Variants in PRKCH observed in about 807,000 individuals in gnomAD.
PRKCH encodes the protein protein kinase C eta type.
In PRKCH, 28 loss-of-function variants were observed where a neutral mutation model predicts 82.5. That is an observed-to-expected ratio of 0.34 (90% CI 0.25 to 0.47). The LOEUF (loss-of-function observed/expected upper bound fraction) is 0.47, where lower values mean the gene tolerates loss of function less well. PRKCH is among the 20% of genes least tolerant of loss of function. The probability of loss-of-function intolerance (pLI) is 1.00; values close to 1 mark genes in which losing one functional copy is unlikely to be tolerated. For synonymous variants in PRKCH, 322 were observed against 327.4 expected, an observed-to-expected ratio of 0.98 and a Z score of 0.18; for missense variants, 705 against 881.8, an observed-to-expected ratio of 0.80 and a Z score of 2.54.
intron 9 of PRKCH, among the ~76,000 whole-genome samples, chr14:61,478,543 T>A (rs928435019): frequency 6.6e-6 from 1 of 152,208 alleles, no homozygotes; most frequent in Non-Finnish European, 1.5e-5. Flanking sequence ...ATCCCAGATT[T>A]ATAAATAAAT....
At chr14:61,518,481 G>T (rs2042858475) in intron 10 of PRKCH, among the ~76,000 whole-genome samples, 1 of 152,036 alleles carries the variant, frequency 6.6e-6, no homozygotes, top group Admixed American at 6.6e-5. Context: ...ATGAGGCTCA[G>T]CTGTCAGTTT....
chr14:61,365,236 G>A (rs1014211843), intron 1 of PRKCH, among the ~76,000 whole-genome samples: 2 of 152,092 alleles, frequency 1.3e-5, no homozygotes, highest in African/African-American at 4.8e-5. Flanking sequence ...ATATGCAGGG[G>A]CAGGTATAGG....
chr14:61,330,147 G>T (rs1448811551), intron 1 of PRKCH, among the ~76,000 whole-genome samples: 2 of 152,170 alleles, frequency 1.3e-5, no homozygotes, highest in Non-Finnish European at 1.5e-5. Context: ...AGCAACTAGG[G>T]AATTACAGAA....
At chr14:61,355,840 G>A (rs1032303657) in intron 1 of PRKCH, among the ~76,000 whole-genome samples, 9 of 152,184 alleles carry the variant, frequency 5.9e-5, no homozygotes, top group Non-Finnish European at 1.0e-4. Flanking sequence ...CAAAACACCT[G>A]TATAGTTCAG....
intron 1 of PRKCH, among the ~76,000 whole-genome samples, chr14:61,370,815 T>C (rs2046356565): frequency 6.6e-6 from 1 of 152,088 alleles, no homozygotes; most frequent in Non-Finnish European, 1.5e-5. Context: ...GGAGTACTCA[T>C]AGAAAACTCT....
chr14:61,509,798 C>T (rs1163733072), intron 10 of PRKCH, among the ~76,000 whole-genome samples: 1 of 151,788 alleles, frequency 6.6e-6, no homozygotes, highest in South Asian at 2.1e-4. Flanking sequence ...TCCTCTAATC[C>T]CAGCTACTTG....
At chr14:61,303,581 T>C (rs1447028775) in intron 1 of PRKCH, 1 of 152,168 alleles carries the variant, frequency 6.6e-6, no homozygotes, top group Non-Finnish European at 1.5e-5. Flanking sequence ...TTAAAATGCA[T>C]TGCATCTCAT....
chr14:61,483,416 G>T (rs529252385), intron 9 of PRKCH, among the ~76,000 whole-genome samples: 27 of 152,326 alleles, frequency 1.8e-4, no homozygotes, highest in South Asian at 1.2e-3. Flanking sequence ...TTTGCCTGTT[G>T]GCTTACATTG....
At chr14:61,310,901 C>T (rs1266943526) in intron 1 of PRKCH, among the ~76,000 whole-genome samples, 2 of 152,246 alleles carry the variant, frequency 1.3e-5, no homozygotes, top group African/African-American at 4.8e-5. Context: ...GGCCCAACGC[C>T]AAGTGGAAGC....
upstream of PRKCH, among the ~76,000 whole-genome samples, chr14:61,320,523 T>TG (rs1387245376): frequency 6.6e-6 from 1 of 152,148 alleles, no homozygotes; most frequent in Admixed American, 6.5e-5. Flanking sequence ...CGCTCGAACC[T>TG]GGGAGGCGGA....
intron 1 of PRKCH, among the ~76,000 whole-genome samples, chr14:61,366,007 T>C (rs1360608334): frequency 6.6e-6 from 1 of 152,086 alleles, no homozygotes; most frequent in Non-Finnish European, 1.5e-5. Context: ...TGGGAATGAC[T>C]GAAGCCTTGT....
Position 61,457,707 on chromosome 14 carries a change from A to G in PRKCH, c.1278+28A>G, listed in dbSNP as rs78889032. On this transcript the variant is annotated intron_variant, in intron 9 of 13. Transcript: ENST00000332981. ...AAGTATGAATCACATTCACTGCACC[A>G]ACAGCCTCTTTTCTTACAGAGCTGA... 1.8e-3 allele frequency: 2,919 copies of G among 1,609,408 alleles called. 26 individuals carry two copies. In the African/African-American group the frequency reaches 0.029, roughly 16 times the overall value.
intron 1 of PRKCH, among the ~76,000 whole-genome samples, chr14:61,269,259 AT>A (rs545715526): frequency 4.6e-5 from 7 of 152,222 alleles, no homozygotes; most frequent in East Asian, 1.9e-4. Flanking sequence ...TTAATGATAA[AT>A]TTTTTGATCA....
chr14:61,534,882 T>C (rs890062437), intron 12 of PRKCH, among the ~76,000 whole-genome samples: 2 of 152,200 alleles, frequency 1.3e-5, no homozygotes, highest in Non-Finnish European at 2.9e-5. Context: ...CCAAGTGGAA[T>C]GCACGATACA....
chr14:61,233,390 C>CAA (rs57677064), intron 1 of PRKCH, among the ~76,000 whole-genome samples: 372 of 147,528 alleles, frequency 2.5e-3, no homozygotes, highest in African/African-American at 7.3e-3. Context: ...GACCTTGTCT[C>CAA]AAAAAAAAAG....
At chr14:61,536,922 C>T (rs980426034) in intron 12 of PRKCH, among the ~76,000 whole-genome samples, 3 of 152,314 alleles carry the variant, frequency 2.0e-5, no homozygotes, top group East Asian at 3.9e-4. Context: ...GCTGTTCAAA[C>T]ATTTCCTATA....
At chr14:61,502,464 A>G (rs1320128151) in intron 10 of PRKCH, among the ~76,000 whole-genome samples, 1 of 152,156 alleles carries the variant, frequency 6.6e-6, no homozygotes, top group Non-Finnish European at 1.5e-5. Flanking sequence ...AGATCAGGCA[A>G]CAGGCTTATA....
At chr14:61,364,592 G>A (rs1174713288) in intron 1 of PRKCH, among the ~76,000 whole-genome samples, 2 of 151,976 alleles carry the variant, frequency 1.3e-5, no homozygotes, top group African/African-American at 4.8e-5. Flanking sequence ...CTAGCACTTT[G>A]GGAGGCTGTG....
intron 1 of PRKCH, among the ~76,000 whole-genome samples, chr14:61,236,831 T>G (rs1357924193): frequency 2.0e-5 from 3 of 151,584 alleles, no homozygotes; most frequent in African/African-American, 7.3e-5. Flanking sequence ...ACCACGACAG[T>G]TTAGAAATGT....
Sources: gnomAD v4.1 joint callset for allele counts (sites outside exome capture counted in the v4.1 genomes callset) on GRCh38, gnomAD v4.1.1 for gene constraint, MANE v1.5 for transcripts, NCBI Gene and HGNC (gene_info 2026-07-23, HGNC 2026-07-21) for gene names.